ABCC1: variants seen among roughly 807,000 people sequenced by gnomAD.
ABCC1 encodes ATP binding cassette subfamily C member 1 (ABCC1 blood group).
ABCC1 carries 83 observed loss-of-function variants against 172.9 expected under a neutral mutation model. That is an observed-to-expected ratio of 0.48 (90% confidence interval 0.40 to 0.58). The LOEUF is 0.58. ABCC1 is among the 20% of genes least tolerant of loss of function. ABCC1 has a pLI of 0.00. For missense variants in ABCC1, 1,817 were observed against 2,002.7 expected (o/e 0.91, Z 1.77); for synonymous variants, 937 against 825.2 (o/e 1.14, Z -2.32).
At chr16:15,987,314 A>G (rs2046765557) in intron 1 of ABCC1, among the ~76,000 whole-genome samples, 1 of 152,188 alleles carries the variant, frequency 6.6e-6, no homozygotes, top group South Asian at 2.1e-4. Context: ...CATTTTACAG[A>G]TGCGGAAACT....
intron 1 of ABCC1, among the ~76,000 whole-genome samples, chr16:15,975,884 T>C (rs2046479714): frequency 6.6e-6 from 1 of 152,168 alleles, no homozygotes; most frequent in Non-Finnish European, 1.5e-5. Context: ...GAGTGTTTAA[T>C]AAGCATGTCC....
rs61419312 is a variant in ABCC1, at chr16:15,963,546, G to GA, written c.48+13750dup. 8.8e-3 allele frequency among the ~76,000 whole-genome samples: 1,348 copies of GA among 152,346 alleles called. 32 individuals are homozygous for GA. Among genetic ancestry groups the GA allele is most frequent in the African/African-American group, 0.031 (1,292 of 41,582 alleles). On this transcript the variant is annotated intron_variant, in intron 1 of 30. Transcript: ENST00000399410. ...ATCCAGGCATTTGCATACATCCTCT[G>GA]AAATCTAGGTGGAGGTTTCCAAACC...
At chr16:16,005,349 A>AT (rs35956116) in intron 1 of ABCC1, among the ~76,000 whole-genome samples, 2,681 of 139,866 alleles carry the variant, frequency 0.019, 81 homozygotes, top group African/African-American at 0.058. Flanking sequence ...AGATTTTCTG[A>AT]TTTTTTTTTT....
At chr16:16,009,711 C>T (rs1165319737) in intron 2 of ABCC1, 65 bp from the exon 3 acceptor site, 18 of 1,478,244 alleles carry the variant, frequency 1.2e-5, no homozygotes, top group African/African-American at 2.9e-5. Flanking sequence ...CTGAGCTGTT[C>T]GTGCAGGCCC....
intron 10 of ABCC1, 116 bp from the exon 11 acceptor site, chr16:16,052,608 C>G: frequency 1.1e-6 from 1 of 893,194 alleles, no homozygotes; most frequent in Non-Finnish European, 1.8e-6. Flanking sequence ...AAGTAACACA[C>G]CTTGCCCTGA....
chr16:16,073,569 C>G (rs572126743), intron 14 of ABCC1, among the ~76,000 whole-genome samples: 4 of 152,138 alleles, frequency 2.6e-5, no homozygotes, highest in Non-Finnish European at 5.9e-5. Context: ...TTGAGACCAC[C>G]TTGGGTAATG....
chr16:16,088,057 A>T (rs2051083886), intron 18 of ABCC1, among the ~76,000 whole-genome samples: 1 of 152,210 alleles, frequency 6.6e-6, no homozygotes, highest in African/African-American at 2.4e-5. Flanking sequence ...TAAGTAATAC[A>T]TGCCCATTGT....
chr16:16,104,935 G>A (rs1359814720), intron 20 of ABCC1, among the ~76,000 whole-genome samples: 7 of 152,150 alleles, frequency 4.6e-5, no homozygotes, highest in Admixed American at 2.6e-4. Context: ...GGGGTCCACC[G>A]AGCCGACGCC....
At chr16:15,982,988 T>C (rs1311085133) in intron 1 of ABCC1, among the ~76,000 whole-genome samples, 1 of 152,042 alleles carries the variant, frequency 6.6e-6, no homozygotes, top group Non-Finnish European at 1.5e-5. Flanking sequence ...AGCATGTTCA[T>C]ATCAAATGTC....
At chr16:16,013,545 G>A (rs985853407) in intron 3 of ABCC1, among the ~76,000 whole-genome samples, 20 of 144,932 alleles carry the variant, frequency 1.4e-4, no homozygotes, top group African/African-American at 5.1e-4. Flanking sequence ...ACAGGCATGA[G>A]CCACTGCACC....
chr16:16,055,006 G>T (rs2049589582), intron 11 of ABCC1, among the ~76,000 whole-genome samples: 1 of 152,168 alleles, frequency 6.6e-6, no homozygotes, highest in Non-Finnish European at 1.5e-5. Flanking sequence ...GAGGCAGGAG[G>T]TTGGCTTGTG....
intron 13 of ABCC1, among the ~76,000 whole-genome samples, chr16:16,068,715 G>A (rs951375649): frequency 1.3e-5 from 2 of 152,050 alleles, no homozygotes; most frequent in Non-Finnish European, 2.9e-5. Flanking sequence ...AGCCGGGCGC[G>A]GCGGCTCATG....
At chr16:16,128,755 T>A (rs1436128163) in intron 26 of ABCC1, among the ~76,000 whole-genome samples, 1 of 152,170 alleles carries the variant, frequency 6.6e-6, no homozygotes, top group Non-Finnish European at 1.5e-5. Flanking sequence ...TCCCAGCACT[T>A]TGAGAGGCCA....
chr16:16,090,585 AACGG>A lies in ABCC1; in HGVS notation c.2642_2644+1del, dbSNP rs748761347. On this transcript the variant is annotated splice_donor_variant and coding_sequence_variant, in exon 19 of 31. Transcript: ENST00000399410. LOFTEE classifies it high-confidence loss of function. ...AGAGCAGGAGCAGGATGCAGAGGAG[AACGG>A]TAGGGGCAGCCCCAGGGTTCCACCC... 2 of 1,589,730 alleles carry A rather than the reference AACGG, an allele frequency of 1.3e-6. No individual in the cohort carries two copies. The highest frequency in any genetic ancestry group is 1.7e-6 in the Non-Finnish European group (2 of 1,163,688).
chr16:16,017,951 A>G (rs1029491792), intron 5 of ABCC1, among the ~76,000 whole-genome samples: 2 of 152,182 alleles, frequency 1.3e-5, no homozygotes, highest in Admixed American at 1.3e-4. Flanking sequence ...CCAGCACAGC[A>G]GGAGAAGGCT....
At chr16:15,985,584 A>G (rs1395169983) in intron 1 of ABCC1, among the ~76,000 whole-genome samples, 3 of 152,064 alleles carry the variant, frequency 2.0e-5, no homozygotes, top group Non-Finnish European at 4.4e-5. Flanking sequence ...AGCTGGGACT[A>G]CAGGTGTGCA....
At position 16,048,302 on chromosome 16, in the gene ABCC1, T is replaced by G. The variant is rs2049298479; in HGVS notation, c.1379T>G (p.Leu460Arg). Residue 460 changes from leucine (L) to arginine (R), a missense_variant and splice_region_variant, in exon 10 of 31, where the codon CTG (leucine) becomes CGG (arginine). By Grantham distance (102) the Leu-to-Arg change is moderately radical. Coordinates refer to ENST00000399410, the MANE Select transcript of ABCC1 (RefSeq NM_004996.4). The part of the protein sequence containing the change: ...QVILALYLLW[L>R]NLGPSVLAGV... Reference sequence around the variant, plus strand: ...ATCCTTGCTCTCTACCTCCTGTGGCTGGTGTGTGTTTAACGCCGTTTCCCT... The same window carrying G: ...ATCCTTGCTCTCTACCTCCTGTGGCGGGTGTGTGTTTAACGCCGTTTCCCT... 1.2e-6 allele frequency: 2 copies of G among 1,614,066 alleles called. No homozygotes were observed. The highest frequency in any genetic ancestry group is 1.7e-6 in the Non-Finnish European group (2 of 1,179,942).
chr16:15,968,135 C>T (rs910534311), intron 1 of ABCC1, among the ~76,000 whole-genome samples: 4 of 152,156 alleles, frequency 2.6e-5, no homozygotes, highest in Admixed American at 2.0e-4. Context: ...TCAAGTGATT[C>T]TCCTGCCTCA....
chr16:16,054,293 G>A (rs938865446), intron 11 of ABCC1, among the ~76,000 whole-genome samples: 2 of 152,000 alleles, frequency 1.3e-5, no homozygotes, highest in African/African-American at 4.8e-5. Context: ...TGTTTTGTGT[G>A]TGTGATATTA....
Sources: gnomAD v4.1 joint callset for allele counts (sites outside exome capture counted in the v4.1 genomes callset) on GRCh38, gnomAD v4.1.1 for gene constraint, MANE v1.5 for transcripts, NCBI Gene and HGNC (gene_info 2026-07-23, HGNC 2026-07-21) for gene names.